The following CNST variants were observed in gnomAD, a reference collection of about 807,000 sequenced individuals.
The protein encoded by CNST is consortin, connexin sorting protein, also known as consortin.
Under a neutral mutation model 72.4 loss-of-function variants are expected in CNST, and 39 were observed. That is an observed-to-expected ratio of 0.54 (90% CI 0.42 to 0.70). The LOEUF (loss-of-function observed/expected upper bound fraction) is 0.70, where lower values mean the gene tolerates loss of function less well. Ranked by LOEUF, CNST falls within the 30% of genes least tolerant of loss-of-function variation. The pLI, the probability that CNST is intolerant of heterozygous loss-of-function variation, is 0.00. For synonymous variants in CNST, 332 were observed against 320.1 expected (o/e 1.04, Z -0.40); for missense variants, 871 against 868.5 (o/e 1.00, Z -0.04).
chr1:246,600,201 A>T (rs1043737240), intron 2 of CNST, among the ~76,000 whole-genome samples: 1 of 152,254 alleles, frequency 6.6e-6, no homozygotes. Flanking sequence ...GTATCTGCTA[A>T]TATTCCTGCT....
intron 8 of CNST, among the ~76,000 whole-genome samples, chr1:246,644,737 TG>T (rs1175134872): frequency 2.0e-5 from 3 of 152,258 alleles, no homozygotes; most frequent in Non-Finnish European, 2.9e-5. Flanking sequence ...GCTTTCACAG[TG>T]CCTGTGGGAC....
chr1:246,636,624 T>C (rs1665269176), intron 6 of CNST, among the ~76,000 whole-genome samples: 1 of 152,238 alleles, frequency 6.6e-6, no homozygotes, highest in African/African-American at 2.4e-5. Context: ...CTATAATCCA[T>C]TCTCTCTTTC....
At chr1:246,613,696 C>A in intron 2 of CNST, among the ~76,000 whole-genome samples, 1 of 870 alleles carries the variant, frequency 1.1e-3, no homozygotes, top group African/African-American at 3.8e-3. Context: ...TCCCTCTCTC[C>A]CTCTTCCCGT....
intron 3 of CNST, among the ~76,000 whole-genome samples, chr1:246,631,451 A>G (rs1459461620): frequency 6.6e-6 from 1 of 152,204 alleles, no homozygotes; most frequent in Non-Finnish European, 1.5e-5. Context: ...GTGACTTGAC[A>G]TATTTCTGCT....
intron 1 of CNST, among the ~76,000 whole-genome samples, chr1:246,581,012 T>C (rs930488015): frequency 4.6e-5 from 7 of 152,172 alleles, no homozygotes; most frequent in African/African-American, 1.7e-4. Context: ...GTGCTGGGAT[T>C]ACAGGCATGC....
At chr1:246,638,963 A>T (rs181966407) in intron 6 of CNST, among the ~76,000 whole-genome samples, 9 of 152,272 alleles carry the variant, frequency 5.9e-5, no homozygotes, top group African/African-American at 2.2e-4. Flanking sequence ...AGTACACTGC[A>T]GTGAGCTAGC....
At chr1:246,570,219 C>T (rs1349028911) in intron 1 of CNST, among the ~76,000 whole-genome samples, 2 of 152,264 alleles carry the variant, frequency 1.3e-5, no homozygotes, top group South Asian at 2.1e-4. Flanking sequence ...TGTCTCCATA[C>T]GTGCTTCAAG....
At chr1:246,634,703 A>G in intron 6 of CNST, 116 bp downstream of exon 6, 1 of 653,492 alleles carries the variant, frequency 1.5e-6, no homozygotes, top group East Asian at 2.8e-5. Context: ...TAAGATGGAT[A>G]TAATATAATT....
intron 3 of CNST, among the ~76,000 whole-genome samples, chr1:246,626,135 C>T (rs1664417001): frequency 6.6e-6 from 1 of 151,964 alleles, no homozygotes. Flanking sequence ...CTGCAGCCTC[C>T]ACCTCACGGG....
At chr1:246,665,413 A>G (rs1572265831) in intron 10 of CNST, among the ~76,000 whole-genome samples, 1 of 152,352 alleles carries the variant, frequency 6.6e-6, no homozygotes, top group Middle Eastern at 3.4e-3. Context: ...AATGCGTGCT[A>G]TGAGCACGTG....
At chr1:246,651,753 T>A (rs1666459196) in intron 9 of CNST, among the ~76,000 whole-genome samples, 1 of 152,216 alleles carries the variant, frequency 6.6e-6, no homozygotes, top group South Asian at 2.1e-4. Flanking sequence ...AAAAATAGCA[T>A]GACACGTTAT....
chr1:246,593,911 T>A (rs939755579), intron 2 of CNST, among the ~76,000 whole-genome samples: 1 of 152,294 alleles, frequency 6.6e-6, no homozygotes, highest in South Asian at 2.1e-4. Context: ...AACAGGCATG[T>A]GCTACCATGC....
chr1:246,665,105 C>A (rs116095224), intron 10 of CNST, among the ~76,000 whole-genome samples: 1,564 of 152,246 alleles, frequency 0.01, 34 homozygotes, highest in African/African-American at 0.035. Context: ...CATGCTGGCT[C>A]ACACCTGTAA....
chr1:246,666,688 CCT>C lies in CNST; in HGVS notation c.*784_*785del, dbSNP rs1667402866. ...GCCTAGAGACCAAAGAAAAAGCTCC[CCT>C]GAGTCTCAGGCAACAGTTTTGTCAC... is the stretch of plus-strand genomic sequence containing the variant. On this transcript the variant is annotated 3_prime_UTR_variant, in exon 11 of 11. Coordinates refer to ENST00000366513, the MANE Select transcript of CNST (RefSeq NM_152609.3). The C allele has an allele frequency of 6.6e-6, 1 of 152,160 alleles. No homozygotes were observed. 9.4% of individuals were successfully genotyped at this position (152,160 alleles called of 1,614,324 possible). A position where few individuals can be genotyped will look rare whatever the true frequency, so the allele number is the denominator to read the frequency against.
At chr1:246,593,124 T>C (rs1170696145) in intron 2 of CNST, among the ~76,000 whole-genome samples, 1 of 152,180 alleles carries the variant, frequency 6.6e-6, no homozygotes, top group African/African-American at 2.4e-5. Flanking sequence ...TATTTGTATT[T>C]TTAAAATTTG....
chr1:246,652,882 T>G (rs1325480941), intron 9 of CNST, among the ~76,000 whole-genome samples: 2 of 150,922 alleles, frequency 1.3e-5, no homozygotes, highest in African/African-American at 2.4e-5. Flanking sequence ...CGGGCGCCTG[T>G]AGTCCCAGCT....
chr1:246,604,475 C>T (rs1029906373), intron 2 of CNST, among the ~76,000 whole-genome samples: 4 of 151,990 alleles, frequency 2.6e-5, no homozygotes, highest in Admixed American at 2.0e-4. Flanking sequence ...CTAATGCTTC[C>T]GTTCTTATAT....
chr1:246,583,687 T>C (rs1056414949), intron 1 of CNST, among the ~76,000 whole-genome samples: 7 of 152,320 alleles, frequency 4.6e-5, no homozygotes, highest in African/African-American at 7.2e-5. Flanking sequence ...TGGAGACTTA[T>C]TTGCTTTGTT....
Position 246,647,557 on chromosome 1 carries a change from T to C in CNST, c.1356T>C (p.Tyr452=), listed in dbSNP as rs1666178584. 6.2e-7 allele frequency: 1 copy of C among 1,614,194 alleles called. No individual in the cohort carries two copies. Among genetic ancestry groups the C allele is most frequent in the East Asian group, 2.2e-5 (1 of 44,882 alleles). The part of the protein sequence containing the change: ...IPPALISEGK[Y]SQAQRKELRL... ...CTGCATTGATTTCTGAGGGTAAATA[T>C]TCACAGGCTCAGAGGAAAGAACTCC... The change falls in exon 9 of 11, where the codon TAT becomes TAC. Residue 452 remains tyrosine (Y), a synonymous_variant. Transcript: ENST00000366513.
Sources: gnomAD v4.1 joint callset for allele counts (sites outside exome capture counted in the v4.1 genomes callset) on GRCh38, gnomAD v4.1.1 for gene constraint, MANE v1.5 for transcripts, NCBI Gene and HGNC (gene_info 2026-07-23, HGNC 2026-07-21) for gene names.